Variants in SORCS2 observed in about 807,000 individuals in gnomAD.
SORCS2 encodes VPS10 domain-containing receptor SorCS2.
Under a neutral mutation model 141.6 loss-of-function variants are expected in SORCS2, and 100 were observed. The ratio of observed to expected loss-of-function variants is 0.71; its 90% CI spans 0.60 to 0.83. The LOEUF (loss-of-function observed/expected upper bound fraction) is 0.83. Ranked by LOEUF, SORCS2 falls within the 40% of genes least tolerant of loss-of-function variation. The probability of loss-of-function intolerance (pLI) is 0.00; values close to 1 mark genes in which losing one functional copy is unlikely to be tolerated. For missense variants in SORCS2, 1,646 were observed against 1,560.2 expected, an observed-to-expected ratio of 1.05 and a Z score of -0.93; for synonymous variants, 789 against 676.9, an observed-to-expected ratio of 1.17 and a Z score of -2.57.
At chr4:7,485,949 C>T (rs1730954698) in intron 2 of SORCS2, among the ~76,000 whole-genome samples, 2 of 152,188 alleles carry the variant, frequency 1.3e-5, no homozygotes, top group Non-Finnish European at 2.9e-5. Flanking sequence ...TGCCCTAAAC[C>T]CAGCGGGCTG....
intron 2 of SORCS2, among the ~76,000 whole-genome samples, chr4:7,464,118 C>T (rs938772308): frequency 2.6e-5 from 4 of 152,158 alleles, no homozygotes; most frequent in Non-Finnish European, 4.4e-5. Flanking sequence ...GGACTGAACA[C>T]ACCTGGTCAG....
chr4:7,521,025 G>A (rs973136048), intron 2 of SORCS2, among the ~76,000 whole-genome samples: 24 of 152,236 alleles, frequency 1.6e-4, no homozygotes, highest in African/African-American at 5.8e-4. Flanking sequence ...TGAGTTTTCT[G>A]ATGTTGCTAT....
At chr4:7,732,671 C>T (rs1649848936) in intron 23 of SORCS2, among the ~76,000 whole-genome samples, 1 of 152,126 alleles carries the variant, frequency 6.6e-6, no homozygotes, top group Admixed American at 6.5e-5. Flanking sequence ...TCCCTGACCA[C>T]CACTGGGGGA....
intron 1 of SORCS2, among the ~76,000 whole-genome samples, chr4:7,318,371 T>C (rs2108938248): frequency 6.6e-6 from 1 of 152,258 alleles, no homozygotes; most frequent in South Asian, 2.1e-4. Flanking sequence ...GAATGCACCA[T>C]ACTGGATGCC....
chr4:7,615,374 G>T (rs1718691652), intron 3 of SORCS2, among the ~76,000 whole-genome samples: 1 of 152,224 alleles, frequency 6.6e-6, no homozygotes, highest in Admixed American at 6.5e-5. Context: ...AGGTGCCTTG[G>T]CCTGGAGAAA....
intron 1 of SORCS2, among the ~76,000 whole-genome samples, chr4:7,297,697 G>T (rs760893709): frequency 2.0e-5 from 3 of 152,238 alleles, no homozygotes; most frequent in Non-Finnish European, 4.4e-5. Context: ...CGAAAGAGCT[G>T]CCGTGTAGAA....
At chr4:7,725,898 C>T (rs1462603978) in intron 20 of SORCS2, among the ~76,000 whole-genome samples, 2 of 152,240 alleles carry the variant, frequency 1.3e-5, no homozygotes, top group East Asian at 3.9e-4. Context: ...AGGGGAGGGC[C>T]TGTGGGCTCT....
intron 4 of SORCS2, among the ~76,000 whole-genome samples, chr4:7,640,246 A>G (rs1420451327): frequency 1.6e-5 from 2 of 124,414 alleles, no homozygotes; most frequent in African/African-American, 3.1e-5. Flanking sequence ...GTGAGAACCT[A>G]TGTGAGTGTG....
At chr4:7,676,363 A>C (rs1166076968) in intron 9 of SORCS2, 134 bp downstream of exon 9, 1 of 911,646 alleles carries the variant, frequency 1.1e-6, no homozygotes, top group Non-Finnish European at 1.6e-6. Context: ...CATCTTCTGT[A>C]CACAGCCAAA....
intron 2 of SORCS2, among the ~76,000 whole-genome samples, chr4:7,459,020 C>A (rs910290953): frequency 6.6e-6 from 1 of 152,108 alleles, no homozygotes; most frequent in Non-Finnish European, 1.5e-5. Flanking sequence ...AGAGAGAAGC[C>A]TGCTGGGCTC....
chr4:7,697,364 A>G (rs1724780151), intron 12 of SORCS2, 90 bp downstream of exon 12: 1 of 1,160,330 alleles, frequency 8.6e-7, no homozygotes, highest in Non-Finnish European at 1.2e-6. Context: ...CGTCCATTCC[A>G]GAGGCTCTGT....
intron 2 of SORCS2, among the ~76,000 whole-genome samples, chr4:7,467,899 C>T (rs1210121731): frequency 6.6e-6 from 1 of 152,248 alleles, no homozygotes; most frequent in Admixed American, 6.5e-5. Context: ...GCTCAAGCCC[C>T]TTGGCCTCTT....
intron 3 of SORCS2, among the ~76,000 whole-genome samples, chr4:7,537,027 C>T (rs1245773566): frequency 1.3e-5 from 2 of 152,206 alleles, no homozygotes; most frequent in East Asian, 3.9e-4. Flanking sequence ...CCTTGTCATG[C>T]TCCGGGCTCC....
chr4:7,469,851 C>G (rs375060074), intron 2 of SORCS2, among the ~76,000 whole-genome samples: 1 of 152,146 alleles, frequency 6.6e-6, no homozygotes, highest in Non-Finnish European at 1.5e-5. Flanking sequence ...CATGGGGAGG[C>G]GAACAGGCTT....
intron 4 of SORCS2, among the ~76,000 whole-genome samples, chr4:7,639,112 G>C (rs755116614): frequency 6.6e-6 from 1 of 152,198 alleles, no homozygotes; most frequent in Non-Finnish European, 1.5e-5. Flanking sequence ...GGGCCTGGGG[G>C]CTGGGGAGGG....
At chr4:7,520,994 A>G (rs1733293011) in intron 2 of SORCS2, among the ~76,000 whole-genome samples, 1 of 152,250 alleles carries the variant, frequency 6.6e-6, no homozygotes, top group African/African-American at 2.4e-5. Flanking sequence ...ACAAGCCTGG[A>G]GCCACTGCGT....
chr4:7,373,809 T>A (rs1265772199), intron 1 of SORCS2, among the ~76,000 whole-genome samples: 1 of 152,058 alleles, frequency 6.6e-6, no homozygotes, highest in Non-Finnish European at 1.5e-5. Flanking sequence ...ATATTCTGAC[T>A]GCAAATCCAT....
chr4:7,604,169 G>T (rs1368737013), intron 3 of SORCS2, among the ~76,000 whole-genome samples: 1 of 152,102 alleles, frequency 6.6e-6, no homozygotes, highest in Non-Finnish European at 1.5e-5. Context: ...GGACTGATAT[G>T]GTTTGGCTCT....
At position 7,654,197 on chromosome 4, in the gene SORCS2, C is replaced by T; in HGVS notation, c.877C>T (p.His293Tyr). ...TCTGCAAGAGCGAGTGACCAAAGAC[C>T]ACGTGTTCTGGTGAGAGCACTTCCC... ...TLLQERVTKD[H>Y]VFWSVSGVDA... The change falls in exon 5 of 27, where the codon CAC becomes TAC. Residue 293 changes from histidine (H) to tyrosine (Y), a missense_variant. Transcript: ENST00000507866. 6.3e-7 allele frequency: 1 copy of T among 1,577,306 alleles called. No individual in the cohort carries two copies. Among genetic ancestry groups the T allele is most frequent in the Non-Finnish European group, 8.6e-7 (1 of 1,160,030 alleles).
Sources: allele counts gnomAD v4.1 joint callset (sites outside exome capture counted in the v4.1 genomes callset), GRCh38; gene constraint gnomAD v4.1.1; transcripts MANE v1.5; gene names NCBI Gene and HGNC (gene_info 2026-07-23, HGNC 2026-07-21).